SLC30A1: variants seen among roughly 807,000 people sequenced by gnomAD.
The protein encoded by SLC30A1 is solute carrier family 30 member 1, also known as proton-coupled zinc antiporter SLC30A1.
In SLC30A1, 7 loss-of-function variants were observed where a neutral mutation model predicts 29.8. The ratio of observed to expected loss-of-function variants is 0.23; its 90% CI spans 0.13 to 0.44. The LOEUF (loss-of-function observed/expected upper bound fraction) is 0.44. Ranked by LOEUF, SLC30A1 falls within the 20% of genes least tolerant of loss-of-function variation. The pLI is 1.00. For synonymous variants in SLC30A1, 254 were observed against 253.5 expected (o/e 1.00, Z -0.02); for missense variants, 446 against 647.9 (o/e 0.69, Z 3.38).
At chr1:211,576,721 C>A (rs1311888033) in intron 1 of SLC30A1, among the ~76,000 whole-genome samples, 1 of 152,158 alleles carries the variant, frequency 6.6e-6, no homozygotes, top group Non-Finnish European at 1.5e-5. Flanking sequence ...CTCTTTGTCA[C>A]TGAGGCCAAT....
rs951889028 is a variant in SLC30A1, at chr1:211,572,551, C to G, written c.*2837G>C. 2 of 152,046 alleles carry G rather than the reference C, an allele frequency of 1.3e-5. No homozygotes were observed. The highest frequency in any genetic ancestry group is 2.4e-5 in the African/African-American group (1 of 41,434). The allele number at this position is 152,046 out of a possible 1,614,324, so 9.4% of individuals were successfully genotyped here. ...CACAAACGGTTAACACAGCCTTCTA[C>G]CTACTGTGATTTTCCAAGGTGCATT... On this transcript the variant is annotated 3_prime_UTR_variant, in exon 2 of 2. Coordinates refer to ENST00000367001, the MANE Select transcript of SLC30A1 (RefSeq NM_021194.3).
chr1:211,578,568 C>G lies in SLC30A1; in HGVS notation c.45G>C (p.Leu15=). 6.2e-7 allele frequency: 1 copy of G among 1,607,024 alleles called. No homozygotes were observed. ...GCACCATGAACATGAAGGTCAGCGC[C>G]AGCATGCACAGCAGCCGGCCCCGGT... ...GRNRGRLLCM[L]ALTFMFMVLE... The change falls in exon 1 of 2, where the codon CTG becomes CTC. Residue 15 remains leucine (L), a synonymous_variant. Transcript: ENST00000367001.
chr1:211,575,831 G>A lies in SLC30A1; in HGVS notation c.1081C>T (p.Arg361Ter), dbSNP rs1558203868. Residue 361 changes from arginine to a stop codon, truncating the protein, a stop_gained, in exon 2 of 2, where the codon CGA (arginine) becomes TGA (stop). Coordinates refer to ENST00000367001, the MANE Select transcript of SLC30A1 (RefSeq NM_021194.3). LOFTEE classifies it high-confidence loss of function. This position sits in a 1 kb window ranked among gnomAD's most constrained non-coding sequence, Gnocchi z 6.0. ...IDIRNLIKEL[R>*]NVEGVEEVHE... Reference sequence around the variant, plus strand: ...ACTTCCTCAACTCCTTCAACATTTCGAAGTTCTTTTATCAAATTTCTGATA... The same window carrying A: ...ACTTCCTCAACTCCTTCAACATTTCAAAGTTCTTTTATCAAATTTCTGATA... 1.2e-6 allele frequency: 2 copies of A among 1,613,722 alleles called. No homozygotes were observed. The highest frequency in any genetic ancestry group is 2.2e-5 in the East Asian group (1 of 44,900).
chr1:211,578,612 TGGCTGC>T lies in SLC30A1; in HGVS notation c.-6_-1del. 6.4e-7 allele frequency: 1 copy of T among 1,562,936 alleles called. No homozygotes were observed. The highest frequency in any genetic ancestry group is 8.6e-7 in the Non-Finnish European group (1 of 1,160,976). On this transcript the variant is annotated 5_prime_UTR_variant, in exon 1 of 2. Transcript: ENST00000367001. ...CCCCGGTTCCGACCCCAACACCCCA[TGGCTGC>T]GGCTGCGGGGCCCGCCGAGCCCGGC...
At position 211,578,642 on chromosome 1, in the gene SLC30A1, G is replaced by A. The variant is rs575459232; in HGVS notation, c.-30C>T. Reference sequence around the variant, plus strand: ...GCGGCTGCGGGGCCCGCCGAGCCCGGCCCGGAGACTGGTGCAGCGGCGGCG... The same window carrying A: ...GCGGCTGCGGGGCCCGCCGAGCCCGACCCGGAGACTGGTGCAGCGGCGGCG... On this transcript the variant is annotated 5_prime_UTR_variant, in exon 1 of 2. Coordinates refer to ENST00000367001, the MANE Select transcript of SLC30A1 (RefSeq NM_021194.3). 4 of 1,502,278 alleles carry A rather than the reference G, an allele frequency of 2.7e-6. No homozygotes were observed. The African/African-American group carries it at 4.2e-5, about 16-fold the overall frequency. 93.1% of individuals were successfully genotyped at this position (1,502,278 alleles called of 1,614,324 possible).
In SLC30A1 at chr1:211,571,977, G is replaced by T. The variant is rs1706658191; in HGVS notation, c.*3411C>A. The T allele has an allele frequency of 6.6e-6, 1 of 152,142 alleles. No homozygotes were observed. Among genetic ancestry groups the T allele is most frequent in the African/African-American group, 2.4e-5 (1 of 41,520 alleles). 9.4% of individuals were successfully genotyped at this position (152,142 alleles called of 1,614,324 possible). On this transcript the variant is annotated 3_prime_UTR_variant, in exon 2 of 2. Coordinates refer to ENST00000367001, the MANE Select transcript of SLC30A1 (RefSeq NM_021194.3). ...ATATATATATAACCACATATTAATT[G>T]TATGTTACATTCCCTCCAGCATCTT... is the stretch of plus-strand genomic sequence containing the variant.
chr1:211,577,609 TG>T lies in SLC30A1; in HGVS notation c.622+381del, dbSNP rs1266803182. On this transcript the variant is annotated intron_variant, in intron 1 of 1. Coordinates refer to ENST00000367001, the MANE Select transcript of SLC30A1 (RefSeq NM_021194.3). This position sits in a 1 kb window ranked among gnomAD's most constrained non-coding sequence, Gnocchi z 4.5. ...TCCCAAGAGGGCCAAGGAATTGAAT[TG>T]GGAAGCATTTCTGACGCTGTTATAA... 4.6e-5 allele frequency among the ~76,000 whole-genome samples: 7 copies of T among 152,158 alleles called. No individual in the cohort carries two copies. Among genetic ancestry groups the T allele is most frequent in the Non-Finnish European group, 1.5e-5 (1 of 68,024 alleles).
At position 211,577,684 on chromosome 1, in the gene SLC30A1, G is replaced by C. The variant is rs1282001547; in HGVS notation, c.622+307C>G. 6.6e-6 allele frequency among the ~76,000 whole-genome samples: 1 copy of C among 152,242 alleles called. No homozygotes were observed. The highest frequency in any genetic ancestry group is 2.4e-5 in the African/African-American group (1 of 41,464). On this transcript the variant is annotated intron_variant, in intron 1 of 1. Transcript: ENST00000367001. This position sits in a 1 kb window ranked among gnomAD's most constrained non-coding sequence, Gnocchi z 4.5. Reference sequence around the variant, plus strand: ...AAAGTTGCTGCAGCCTGTAAAGACAGCCAAGTGCGGGTGTGGACTGCAGCG... The same window carrying C: ...AAAGTTGCTGCAGCCTGTAAAGACACCCAAGTGCGGGTGTGGACTGCAGCG...
At chr1:211,576,731 T>C (rs773162376) in intron 1 of SLC30A1, among the ~76,000 whole-genome samples, 3 of 152,208 alleles carry the variant, frequency 2.0e-5, no homozygotes, top group African/African-American at 4.8e-5. Context: ...CTGAGGCCAA[T>C]TGCTTGAGAA....
At position 211,578,851 on chromosome 1, in the gene SLC30A1, C is replaced by A. The variant is rs547951877; in HGVS notation, c.-239G>T. 1,014 of 312,554 alleles carry A rather than the reference C, an allele frequency of 3.2e-3. 4 individuals are homozygous for A. The highest frequency in any genetic ancestry group is 4.8e-3 in the Non-Finnish European group (828 of 172,236). 19.4% of individuals were successfully genotyped at this position (312,554 alleles called of 1,614,324 possible). The stretch of plus-strand genomic sequence containing the variant: ...CGCGCCGCGCAGCTCCTCAGGCGTC[C>A]GTCCTCAGAGCCGGCGCCGAGGCCC... On this transcript the variant is annotated 5_prime_UTR_variant, in exon 1 of 2. Coordinates refer to ENST00000367001, the MANE Select transcript of SLC30A1 (RefSeq NM_021194.3).
In SLC30A1 at chr1:211,579,062, G is replaced by T. The variant is rs978619308; in HGVS notation, c.-450C>A. Among the ~76,000 whole-genome samples the T allele has an allele frequency of 6.6e-6, 1 of 152,224 alleles. No homozygotes were observed. The highest frequency in any genetic ancestry group is 1.5e-5 in the Non-Finnish European group (1 of 68,028). ...GAGCATCTGAGGGCTCTGCTTGCTG[G>T]TCTCCTCTGCGGCGGCTGGACTGAG... On this transcript the variant is annotated 5_prime_UTR_variant, in exon 1 of 2. Coordinates refer to ENST00000367001, the MANE Select transcript of SLC30A1 (RefSeq NM_021194.3).
chr1:211,576,160 T>C lies in SLC30A1; in HGVS notation c.752A>G (p.His251Arg), dbSNP rs1335109683. 3.1e-6 allele frequency: 5 copies of C among 1,614,116 alleles called. No homozygotes were observed. Among genetic ancestry groups the C allele is most frequent in the Non-Finnish European group, 4.2e-6 (5 of 1,180,020 alleles). Residue 251 changes from histidine to arginine, a missense_variant, in exon 2 of 2, where the codon CAT becomes CGT. His to Arg is a conservative substitution (Grantham distance 29). Coordinates refer to ENST00000367001, the MANE Select transcript of SLC30A1 (RefSeq NM_021194.3). ...TGAACCCAAGGCATCTCCAAGGACA[T>C]GCAGAAAAACTCCACGCATGTTAAG... ...GQLNMRGVFLHVLGDALGSVI... is the reference protein window; with the variant it reads ...GQLNMRGVFLRVLGDALGSVI...
chr1:211,573,513 T>G lies in SLC30A1; in HGVS notation c.*1875A>C, dbSNP rs370419496. ...CTTTGTATCATTGCTGAAATGTTTA[T>G]GTAACAAATTGATATCTGAATAAAA... On this transcript the variant is annotated 3_prime_UTR_variant, in exon 2 of 2. Coordinates refer to ENST00000367001, the MANE Select transcript of SLC30A1 (RefSeq NM_021194.3). 2 of 152,068 alleles carry G rather than the reference T, an allele frequency of 1.3e-5. No homozygotes were observed. Among genetic ancestry groups the G allele is most frequent in the Non-Finnish European group, 2.9e-5 (2 of 67,922 alleles). The allele number at this position is 152,068 out of a possible 1,614,324, so 9.4% of individuals were successfully genotyped here. A position where few individuals can be genotyped will look rare whatever the true frequency, so the allele number is the denominator to read the frequency against.
At position 211,573,001 on chromosome 1, in the gene SLC30A1, T is replaced by G. The variant is rs1015366284; in HGVS notation, c.*2387A>C. On this transcript the variant is annotated 3_prime_UTR_variant, in exon 2 of 2. Transcript: ENST00000367001. ...TATTGGGTTTAAGTCTCCTAATAAT[T>G]CAGAGTATTTCCCTCATTTTCTTTC... 3 of 152,054 alleles carry G rather than the reference T, an allele frequency of 2.0e-5. No homozygotes were observed. Among genetic ancestry groups the G allele is most frequent in the African/African-American group, 7.2e-5 (3 of 41,444 alleles). 9.4% of individuals were successfully genotyped at this position (152,054 alleles called of 1,614,324 possible). A position where few individuals can be genotyped will look rare whatever the true frequency, so the allele number is the denominator to read the frequency against.
At position 211,577,071 on chromosome 1, in the gene SLC30A1, A is replaced by G. The variant is rs1415777021; in HGVS notation, c.623-782T>C. On this transcript the variant is annotated intron_variant, in intron 1 of 1. Coordinates refer to ENST00000367001, the MANE Select transcript of SLC30A1 (RefSeq NM_021194.3). The surrounding 1 kb of genome is among the most constrained non-coding windows in gnomAD (Gnocchi z 4.5). Reference sequence around the variant, plus strand: ...TTAAACCTTTCCAATGTACAACTTGAATTTCACTAACTTCATATTCTGCAC... The same window carrying G: ...TTAAACCTTTCCAATGTACAACTTGGATTTCACTAACTTCATATTCTGCAC... 6.6e-6 allele frequency among the ~76,000 whole-genome samples: 1 copy of G among 152,208 alleles called. No homozygotes were observed. Among genetic ancestry groups the G allele is most frequent in the Non-Finnish European group, 1.5e-5 (1 of 68,026 alleles).
Position 211,578,272 on chromosome 1 carries a change from A to G in SLC30A1, c.341T>C (p.Leu114Pro), listed in dbSNP as rs1706747930. Residue 114 changes from leucine (L) to proline (P), a missense_variant, in exon 1 of 2, where the codon CTG (leucine) becomes CCG (proline). Leu to Pro is a moderately conservative substitution (Grantham distance 98). Transcript: ENST00000367001. Reference protein sequence around the residue: ...FIEPHEMQQPLVVLGVGVAGL... With the variant: ...FIEPHEMQQPPVVLGVGVAGL... The stretch of plus-strand genomic sequence containing the variant: ...GGCCACGCCGACCCCAAGGACCACC[A>G]GCGGCTGCTGCATCTCGTGCGGCTC... 6.2e-7 allele frequency: 1 copy of G among 1,612,280 alleles called. No homozygotes were observed. The highest frequency in any genetic ancestry group is 1.7e-5 in the Admixed American group (1 of 59,892).
rs376879993 is a variant in SLC30A1 at position 211,578,490 on chromosome 1, G to A, written c.123C>T (p.Ser41=). The A allele has an allele frequency of 2.5e-6, 4 of 1,612,362 alleles. No homozygotes were observed. In the African/African-American group the frequency reaches 5.3e-5, roughly 22 times the overall value. Residue 41 remains serine, a synonymous_variant, in exon 1 of 2, where the codon TCC becomes TCT. Transcript: ENST00000367001. Reference sequence around the variant, plus strand: ...CCAGCACGTCCGACAGCATGTGGAAGGAGTCGGAGAGCATCGCCAGCGACG... The same window carrying A: ...CCAGCACGTCCGACAGCATGTGGAAAGAGTCGGAGAGCATCGCCAGCGACG... The part of the protein sequence containing the change: ...VTSSLAMLSD[S]FHMLSDVLAL...
chr1:211,578,322 C>T lies in SLC30A1; in HGVS notation c.291G>A (p.Leu97=), dbSNP rs1706748722. 2 of 1,613,540 alleles carry T rather than the reference C, an allele frequency of 1.2e-6. No individual in the cohort carries two copies. Among genetic ancestry groups the T allele is most frequent in the South Asian group, 1.1e-5 (1 of 91,074 alleles). The change falls in exon 1 of 2, where the codon CTG becomes CTA. Residue 97 remains leucine, a synonymous_variant. Coordinates refer to ENST00000367001, the MANE Select transcript of SLC30A1 (RefSeq NM_021194.3). ...IFLTGLCFAI[L]LEAIERFIEP... ...CGATGAAGCGCTCGATGGCCTCCAG[C>T]AGGATGGCGAAACAGAGGCCAGTCA...
rs1186321279 is a variant in SLC30A1 at position 211,577,759 on chromosome 1, C to A, written c.622+232G>T. 6.6e-6 allele frequency among the ~76,000 whole-genome samples: 1 copy of A among 152,206 alleles called. No homozygotes were observed. The highest frequency in any genetic ancestry group is 1.5e-5 in the Non-Finnish European group (1 of 68,034). Reference sequence around the variant, plus strand: ...TTTTCTTAGGGTCTGACCCACAGCCCCCACCTACAAATATGCCAGACGCGT... The same window carrying A: ...TTTTCTTAGGGTCTGACCCACAGCCACCACCTACAAATATGCCAGACGCGT... On this transcript the variant is annotated intron_variant, in intron 1 of 1. Transcript: ENST00000367001. The surrounding 1 kb of genome is among the most constrained non-coding windows in gnomAD (Gnocchi z 4.5).
Sources: gnomAD v4.1 joint callset for allele counts (sites outside exome capture counted in the v4.1 genomes callset) on GRCh38, gnomAD v4.1.1 for gene constraint, Gnocchi (gnomAD v3.1) non-coding constraint, MANE v1.5 for transcripts, NCBI Gene and HGNC (gene_info 2026-07-23, HGNC 2026-07-21) for gene names.